ELK3: variants seen among roughly 807,000 people sequenced by gnomAD.
The protein encoded by ELK3 is ETS domain-containing protein Elk-3.
Under a neutral mutation model 28.9 loss-of-function variants are expected in ELK3, and 10 were observed. That is an observed-to-expected ratio of 0.35 (90% CI 0.21 to 0.59). The LOEUF is 0.59. Ranked by LOEUF, ELK3 falls within the 20% of genes least tolerant of loss-of-function variation. ELK3 has a pLI of 0.82. For synonymous variants in ELK3, 272 were observed against 243.5 expected (o/e 1.12, Z -1.09); for missense variants, 463 against 517.3 (o/e 0.90, Z 1.02).
intron 3 of ELK3, among the ~76,000 whole-genome samples, chr12:96,253,561 G>T (rs1464267264): frequency 2.0e-5 from 3 of 152,226 alleles, no homozygotes; most frequent in Non-Finnish European, 4.4e-5. Flanking sequence ...AGCTTCCAGA[G>T]ATTCAGTCAC....
chr12:96,209,573 A>C (rs963374820), intron 1 of ELK3, among the ~76,000 whole-genome samples: 1 of 152,344 alleles, frequency 6.6e-6, no homozygotes, highest in Non-Finnish European at 1.5e-5. Flanking sequence ...TTAGGGTTTC[A>C]TTCTAGTGGA....
chr12:96,259,918 T>A (rs959966575), intron 4 of ELK3, 65 bp downstream of exon 4: 1 of 1,511,220 alleles, frequency 6.6e-7, no homozygotes. Context: ...CTCTAAATCC[T>A]GCAGAGGTAA....
rs1179882339 is a variant in ELK3, at chr12:96,219,010, TA to T, written c.-2-4554del. 2.0e-5 allele frequency among the ~76,000 whole-genome samples: 3 copies of T among 152,244 alleles called. No individual in the cohort carries two copies. The East Asian group carries it at 5.8e-4, about 29-fold the overall frequency. ...AAAAAAAGATTTCTAGCATGCCTTT[TA>T]TGTGTTCTACATTTTTGAAGCTCAG... On this transcript the variant is annotated intron_variant, in intron 1 of 4. Transcript: ENST00000228741.
At chr12:96,226,036 G>A (rs1263819685) in intron 2 of ELK3, among the ~76,000 whole-genome samples, 1 of 152,160 alleles carries the variant, frequency 6.6e-6, no homozygotes, top group Non-Finnish European at 1.5e-5. Context: ...GGAGGCTGAG[G>A]TGGGAGGATC....
intron 2 of ELK3, among the ~76,000 whole-genome samples, chr12:96,237,020 G>A (rs1018980050): frequency 1.2e-4 from 19 of 152,172 alleles, no homozygotes; most frequent in Non-Finnish European, 2.6e-4. Flanking sequence ...CACCTTCCCT[G>A]TGTGTGTCTT....
At chr12:96,265,492 C>A (rs577191885) in intron 4 of ELK3, among the ~76,000 whole-genome samples, 4 of 152,222 alleles carry the variant, frequency 2.6e-5, no homozygotes, top group Admixed American at 6.5e-5. Flanking sequence ...TCCAGACCAG[C>A]CTGGGCAACA....
rs550687536 is a variant in ELK3, at chr12:96,196,412, C to T, written c.-3+1707C>T. Among the ~76,000 whole-genome samples, 453 of 24,282 alleles carry T rather than the reference C, an allele frequency of 0.019. 13 individuals carry two copies. In the East Asian group the frequency reaches 0.45, roughly 24 times the overall value. 15.9% of individuals were successfully genotyped at this position (24,282 alleles called of 152,430 possible). ...ACCCATCTTCTCCATCTGTGCTTGT[C>T]TTTGGGGGTGGGGGGGGTGTGGAGC... On this transcript the variant is annotated intron_variant, in intron 1 of 4. Transcript: ENST00000228741.
intron 2 of ELK3, among the ~76,000 whole-genome samples, chr12:96,244,140 T>C (rs2137030906): frequency 6.6e-6 from 1 of 152,298 alleles, no homozygotes; most frequent in African/African-American, 2.4e-5. Flanking sequence ...ATTCCTCAAA[T>C]AATGAATTCT....
intron 2 of ELK3, among the ~76,000 whole-genome samples, chr12:96,242,555 A>G (rs550240756): frequency 6.6e-6 from 1 of 152,188 alleles, no homozygotes; most frequent in African/African-American, 2.4e-5. Flanking sequence ...TCAAACATAC[A>G]TGGCGCTGCT....
At chr12:96,222,632 C>T (rs940139874) in intron 1 of ELK3, among the ~76,000 whole-genome samples, 1 of 152,158 alleles carries the variant, frequency 6.6e-6, no homozygotes, top group Non-Finnish European at 1.5e-5. Context: ...CCTCGTGAAG[C>T]TCATCACAGT....
At chr12:96,219,794 C>T (rs1308284320) in intron 1 of ELK3, among the ~76,000 whole-genome samples, 1 of 152,156 alleles carries the variant, frequency 6.6e-6, no homozygotes, top group Non-Finnish European at 1.5e-5. Flanking sequence ...AGTTTTTCGA[C>T]TTAGCTCTGA....
At chr12:96,265,399 A>G (rs555677340) in intron 4 of ELK3, among the ~76,000 whole-genome samples, 109 of 152,296 alleles carry the variant, frequency 7.2e-4, no homozygotes, top group Admixed American at 1.6e-3. Flanking sequence ...AAGAATGAAA[A>G]TGCAGGCTGG....
intron 2 of ELK3, among the ~76,000 whole-genome samples, chr12:96,236,135 A>G (rs1239182318): frequency 2.6e-5 from 4 of 152,152 alleles, no homozygotes; most frequent in Admixed American, 2.0e-4. Context: ...GAGCAGCTTT[A>G]TGTTCTATGT....
At chr12:96,220,948 C>T (rs1008295635) in intron 1 of ELK3, among the ~76,000 whole-genome samples, 1 of 152,150 alleles carries the variant, frequency 6.6e-6, no homozygotes, top group Non-Finnish European at 1.5e-5. Context: ...TTCAGGTCAC[C>T]TCCATGTGTC....
At chr12:96,222,561 T>C (rs1406186481) in intron 1 of ELK3, among the ~76,000 whole-genome samples, 1 of 152,204 alleles carries the variant, frequency 6.6e-6, no homozygotes, top group Admixed American at 6.5e-5. Flanking sequence ...ACTGGGCAGC[T>C]TTGAGCATTG....
chr12:96,251,298 G>C (rs1302057135), intron 3 of ELK3, among the ~76,000 whole-genome samples: 4 of 151,978 alleles, frequency 2.6e-5, no homozygotes, highest in Admixed American at 6.5e-5. Context: ...TGTCCCAACT[G>C]CTCTCCTGTG....
At chr12:96,243,136 A>G (rs536772387) in intron 2 of ELK3, among the ~76,000 whole-genome samples, 1 of 152,170 alleles carries the variant, frequency 6.6e-6, no homozygotes, top group Non-Finnish European at 1.5e-5. Flanking sequence ...AGATTCTTAT[A>G]TGTTCTTTTC....
chr12:96,233,888 G>T (rs1250004179), intron 2 of ELK3, among the ~76,000 whole-genome samples: 1 of 152,212 alleles, frequency 6.6e-6, no homozygotes, highest in African/African-American at 2.4e-5. Context: ...TGAGGGCCTG[G>T]TGTGTTTTGT....
chr12:96,230,801 G>T (rs1951735369), intron 2 of ELK3, among the ~76,000 whole-genome samples: 1 of 152,218 alleles, frequency 6.6e-6, no homozygotes, highest in South Asian at 2.1e-4. Context: ...CTACAGTTGT[G>T]CGGAGTGCAC....
Sources: allele counts gnomAD v4.1 joint callset (sites outside exome capture counted in the v4.1 genomes callset), GRCh38; gene constraint gnomAD v4.1.1; transcripts MANE v1.5; gene names NCBI Gene and HGNC (gene_info 2026-07-23, HGNC 2026-07-21).